The following CEP128 variants were observed in gnomAD, a reference collection of about 807,000 sequenced individuals.
The protein encoded by CEP128 is centrosomal protein 128, also known as centrosomal protein 128kDa.
Under a neutral mutation model 156.7 loss-of-function variants are expected in CEP128, and 132 were observed. The ratio of observed to expected loss-of-function variants is 0.84; its 90% CI spans 0.73 to 0.97. The LOEUF (loss-of-function observed/expected upper bound fraction) is 0.97. CEP128 is among the 50% of genes least tolerant of loss of function. The pLI, the probability that CEP128 is intolerant of heterozygous loss-of-function variation, is 0.00. For missense variants in CEP128, 1,252 were observed against 1,281.9 expected, an observed-to-expected ratio of 0.98 and a Z score of 0.36; for synonymous variants, 469 against 448.9, an observed-to-expected ratio of 1.04 and a Z score of -0.57.
At chr14:80,936,014 G>A (rs1331929130) in intron 2 of CEP128, among the ~76,000 whole-genome samples, 1 of 152,150 alleles carries the variant, frequency 6.6e-6, no homozygotes, top group East Asian at 1.9e-4. Flanking sequence ...AGCAGGCTCA[G>A]TTCCAGGCTG....
At chr14:80,763,838 C>T (rs1203763745) in intron 16 of CEP128, among the ~76,000 whole-genome samples, 1 of 152,102 alleles carries the variant, frequency 6.6e-6, no homozygotes, top group African/African-American at 2.4e-5. Flanking sequence ...GAGCTTATAA[C>T]CTTGGAGGCT....
chr14:80,819,131 T>C (rs1248893076), intron 13 of CEP128, among the ~76,000 whole-genome samples: 1 of 152,072 alleles, frequency 6.6e-6, no homozygotes, highest in Non-Finnish European at 1.5e-5. Flanking sequence ...CTGAATACTA[T>C]CTTGCATGGT....
At chr14:80,805,459 T>G (rs1348509431) in intron 13 of CEP128, among the ~76,000 whole-genome samples, 1 of 152,136 alleles carries the variant, frequency 6.6e-6, no homozygotes. Flanking sequence ...AATGATATTA[T>G]AAACACTTAC....
Position 80,695,105 on chromosome 14 carries a change from T to C in CEP128, c.2806+47970A>G, listed in dbSNP as rs190801795. Among the ~76,000 whole-genome samples the C allele has an allele frequency of 3.3e-5, 5 of 150,342 alleles. No homozygotes were observed. In the East Asian group the frequency reaches 9.9e-4, roughly 30 times the overall value. On this transcript the variant is annotated intron_variant, in intron 19 of 24. Transcript: ENST00000555265. ...ATGTTTCCAAGGGAAAAACCTGGAA[T>C]AGAAAAGAAAAAATAAATTTTTTGC...
intron 8 of CEP128, among the ~76,000 whole-genome samples, chr14:80,863,474 A>G (rs1277025187): frequency 1.3e-5 from 2 of 152,230 alleles, no homozygotes; most frequent in Admixed American, 6.5e-5. Context: ...AAGAAAGTCA[A>G]ACTGAAAATG....
intron 2 of CEP128, among the ~76,000 whole-genome samples, chr14:80,919,820 G>A (rs1408921147): frequency 2.6e-5 from 4 of 151,864 alleles, no homozygotes; most frequent in African/African-American, 4.8e-5. Context: ...CACAAGTTCC[G>A]GCATGAGTTT....
chr14:80,941,950 A>AT (rs113688192), upstream of CEP128, among the ~76,000 whole-genome samples: 672 of 145,992 alleles, frequency 4.6e-3, 6 homozygotes, highest in African/African-American at 0.01. Flanking sequence ...GCCCTGCTCT[A>AT]TTTTTTTTTT....
intron 19 of CEP128, among the ~76,000 whole-genome samples, chr14:80,593,210 A>G (rs1018467691): frequency 6.6e-6 from 1 of 152,128 alleles, no homozygotes; most frequent in African/African-American, 2.4e-5. Context: ...GAGGAAGTCA[A>G]ATTGTCTCTG....
intron 13 of CEP128, among the ~76,000 whole-genome samples, chr14:80,810,323 CAAAAAA>C (rs71103883): frequency 3.0e-3 from 46 of 15,202 alleles, no homozygotes; most frequent in South Asian, 9.8e-3. Flanking sequence ...ACTCCATCTC[CAAAAAA>C]AAAAAAAAAA....
At chr14:80,505,126 G>A (rs1887913665) in intron 23 of CEP128, 106 bp from the exon 24 acceptor site, 1 of 403,146 alleles carries the variant, frequency 2.5e-6, no homozygotes, top group East Asian at 3.7e-5. Flanking sequence ...AAGCTATGTT[G>A]TACATGCACA....
intron 9 of CEP128, among the ~76,000 whole-genome samples, chr14:80,855,975 G>A (rs1887135585): frequency 6.6e-6 from 1 of 152,084 alleles, no homozygotes; most frequent in African/African-American, 2.4e-5. Context: ...CAGCATCTCT[G>A]GGGCCATAAT....
chr14:80,497,837 G>T (rs532316757), intron 24 of CEP128, among the ~76,000 whole-genome samples: 1 of 152,198 alleles, frequency 6.6e-6, no homozygotes, highest in South Asian at 2.1e-4. Context: ...GCTTCGTCAG[G>T]ATACAATGAT....
chr14:80,546,681 A>C (rs746858395), intron 21 of CEP128, among the ~76,000 whole-genome samples: 1 of 152,170 alleles, frequency 6.6e-6, no homozygotes, highest in Non-Finnish European at 1.5e-5. Flanking sequence ...TCAACCAACC[A>C]TGTCAAGGCC....
chr14:80,859,080 A>C (rs1157960306), intron 9 of CEP128, among the ~76,000 whole-genome samples: 591 of 124,606 alleles, frequency 4.7e-3, no homozygotes, highest in East Asian at 9.0e-3. Flanking sequence ...TCATGCTGCT[A>C]TAAAGACACA....
At chr14:80,854,724 T>C (rs1404284860) in intron 9 of CEP128, among the ~76,000 whole-genome samples, 1 of 152,158 alleles carries the variant, frequency 6.6e-6, no homozygotes, top group Non-Finnish European at 1.5e-5. Context: ...TATTTAATAA[T>C]GAAATGTTAA....
intron 19 of CEP128, among the ~76,000 whole-genome samples, chr14:80,598,081 T>C (rs1892420824): frequency 6.6e-6 from 1 of 151,378 alleles, no homozygotes; most frequent in Non-Finnish European, 1.5e-5. Flanking sequence ...TTCATCATAG[T>C]ACAGGAAGTT....
At chr14:80,602,915 C>T (rs35038680) in intron 19 of CEP128, among the ~76,000 whole-genome samples, 17,499 of 152,124 alleles carry the variant, frequency 0.12, 1,335 homozygotes, top group East Asian at 0.32. Flanking sequence ...AAACATACTC[C>T]TAAAAATCCT....
rs548075370 is a variant in CEP128 at position 80,699,623 on chromosome 14, G to A, written c.2806+43452C>T. ...TAGAACCACACCTAGCACCTTAGGC[G>A]AGCATGCTACATCACTGATAATACA... On this transcript the variant is annotated intron_variant, in intron 19 of 24. Transcript: ENST00000555265. Among the ~76,000 whole-genome samples the A allele has an allele frequency of 5.4e-5, 8 of 149,340 alleles. No homozygotes were observed. In the East Asian group the frequency reaches 1.2e-3, roughly 23 times the overall value.
At chr14:80,877,752 T>C (rs1888351639) in intron 8 of CEP128, among the ~76,000 whole-genome samples, 1 of 152,058 alleles carries the variant, frequency 6.6e-6, no homozygotes, top group Non-Finnish European at 1.5e-5. Flanking sequence ...CATATCCCCA[T>C]CTCAGTCACT....
Sources: allele counts gnomAD v4.1 joint callset (sites outside exome capture counted in the v4.1 genomes callset), GRCh38; gene constraint gnomAD v4.1.1; transcripts MANE v1.5; gene names NCBI Gene and HGNC (gene_info 2026-07-23, HGNC 2026-07-21).